Variants in NOL4L observed in about 807,000 individuals in gnomAD.
NOL4L encodes nucleolar protein 4-like.
A neutral mutation model predicts 64.5 loss-of-function variants in NOL4L; 7 were observed. The ratio of observed to expected loss-of-function variants is 0.11; its 90% CI spans 0.06 to 0.20. The LOEUF (loss-of-function observed/expected upper bound fraction) is 0.20. Among genes scored for constraint, NOL4L ranks in the 10% least tolerant of loss-of-function variants. NOL4L has a pLI of 1.00. For synonymous variants in NOL4L, 413 were observed against 401.0 expected (o/e 1.03, Z -0.36); for missense variants, 680 against 967.1 (o/e 0.70, Z 3.94).
chr20:32,511,339 C>T lies in NOL4L; in HGVS notation c.699+8G>A, dbSNP rs532575289. On this transcript the variant is annotated splice_region_variant and intron_variant, in intron 4 of 10. Transcript: ENST00000621426. ...TCCAGGTGGGGTGAGGGGAGACGGC[C>T]GCCTTACCTGCTCCTGGGAATTCAT... 2.8e-5 allele frequency: 43 copies of T among 1,542,472 alleles called. No homozygotes were observed. The East Asian group carries it at 6.1e-4, about 22-fold the overall frequency.
chr20:32,535,896 G>C (rs912370036), intron 1 of NOL4L: 1 of 985,350 alleles, frequency 1.0e-6, no homozygotes, highest in Non-Finnish European at 1.2e-6. Flanking sequence ...CAGCATCCCC[G>C]GACGGACAGG....
At chr20:32,483,419 C>T in intron 4 of NOL4L, 2 of 986,734 alleles carry the variant, frequency 2.0e-6, no homozygotes, top group Non-Finnish European at 2.4e-6. Context: ...GCGGGGCGGG[C>T]GGCGGTGACA....
At chr20:32,554,156 T>TA (rs530134332) in intron 1 of NOL4L, among the ~76,000 whole-genome samples, 6 of 151,528 alleles carry the variant, frequency 4.0e-5, no homozygotes, top group Non-Finnish European at 8.8e-5. Flanking sequence ...CCGTCTCTAC[T>TA]AAAAAATACA....
intron 1 of NOL4L, chr20:32,548,852 A>AT (rs1313479867): frequency 2.2e-6 from 1 of 450,988 alleles, no homozygotes; most frequent in Admixed American, 2.4e-5. Context: ...GGATAAGTAA[A>AT]TTATGGTACA....
chr20:32,492,678 C>T (rs1392045544), intron 4 of NOL4L, among the ~76,000 whole-genome samples: 1 of 152,238 alleles, frequency 6.6e-6, no homozygotes, highest in South Asian at 2.1e-4. Context: ...GGACACCAGG[C>T]ACCTGTGCTG....
chr20:32,464,844 T>C lies in NOL4L; in HGVS notation c.842-8449A>G. On this transcript the variant is annotated intron_variant, in intron 5 of 10. Coordinates refer to ENST00000621426, the MANE Select transcript of NOL4L (RefSeq NM_001256798.2). This position sits in a 1 kb window ranked among gnomAD's most constrained non-coding sequence, Gnocchi z 5.6. The stretch of plus-strand genomic sequence containing the variant: ...AAAATAGTACCATTTCAACAAATAA[T>C]TGATACCGTGTTATCAGAGCTGAGA... 1 of 414,104 alleles carries C rather than the reference T, an allele frequency of 2.4e-6. No homozygotes were observed. Among genetic ancestry groups the C allele is most frequent in the Non-Finnish European group, 4.4e-6 (1 of 228,530 alleles). The allele number at this position is 414,104 out of a possible 1,614,324, so 25.7% of individuals were successfully genotyped here.
At position 32,447,578 on chromosome 20, in the gene NOL4L, C is replaced by T. The variant is rs746955555; in HGVS notation, c.*18G>A. On this transcript the variant is annotated 3_prime_UTR_variant, in exon 11 of 11. Coordinates refer to ENST00000621426, the MANE Select transcript of NOL4L (RefSeq NM_001256798.2). ...CAGCCTCCTTCCCTAGGGCAGTGCG[C>T]TCCAGGTGCCGGTGGGGTCAGTTCT... The T allele has an allele frequency of 6.3e-6, 10 of 1,581,036 alleles. No individual in the cohort carries two copies. The highest frequency in any genetic ancestry group is 1.1e-5 in the South Asian group (1 of 88,618).
chr20:32,477,067 C>G (rs2015440943), intron 4 of NOL4L, among the ~76,000 whole-genome samples: 1 of 152,212 alleles, frequency 6.6e-6, no homozygotes, highest in African/African-American at 2.4e-5. Flanking sequence ...GCACGTAACC[C>G]TGGCAGGGCC....
intron 4 of NOL4L, among the ~76,000 whole-genome samples, chr20:32,486,414 C>A (rs1160967556): frequency 6.6e-6 from 1 of 152,176 alleles, no homozygotes; most frequent in Non-Finnish European, 1.5e-5. Context: ...TGCCACAGGT[C>A]CCCTCCAGCC....
intron 3 of NOL4L, among the ~76,000 whole-genome samples, chr20:32,518,174 C>T (rs565560480): frequency 6.6e-6 from 1 of 152,308 alleles, no homozygotes; most frequent in East Asian, 1.9e-4. Flanking sequence ...GGAGAAGCTC[C>T]GCTACCTGGG....
intron 10 of NOL4L, chr20:32,450,476 A>G (rs1955447784): frequency 6.6e-6 from 1 of 152,290 alleles, no homozygotes. Context: ...GAACCAGGGT[A>G]TTCACAGATG....
At chr20:32,576,083 C>A (rs192479881) in intron 1 of NOL4L, among the ~76,000 whole-genome samples, 4 of 152,166 alleles carry the variant, frequency 2.6e-5, no homozygotes, top group Non-Finnish European at 5.9e-5. Flanking sequence ...GGCCAGATCG[C>A]GCAGGGCTCT....
chr20:32,545,660 T>C (rs944604048), intron 1 of NOL4L, among the ~76,000 whole-genome samples: 1 of 152,076 alleles, frequency 6.6e-6, no homozygotes, highest in Non-Finnish European at 1.5e-5. Context: ...CATCCTTGAC[T>C]GCTCACTGGT....
intron 4 of NOL4L, among the ~76,000 whole-genome samples, chr20:32,500,941 G>C (rs1386781615): frequency 6.6e-6 from 1 of 152,110 alleles, no homozygotes; most frequent in Non-Finnish European, 1.5e-5. Flanking sequence ...TTAATAAGTG[G>C]GGGAGGAGAA....
rs187823136 is a variant in NOL4L, at chr20:32,562,498, C to T, written c.321+22072G>A. Among the ~76,000 whole-genome samples the T allele has an allele frequency of 1.5e-3, 229 of 152,278 alleles. 2 individuals are homozygous for T. The highest frequency in any genetic ancestry group is 2.1e-3 in the Non-Finnish European group (145 of 68,010). On this transcript the variant is annotated intron_variant, in intron 1 of 10. Transcript: ENST00000621426. ...GCCTCTGCACAGGCTGTCTCCTCTA[C>T]CTGGGACACCCACCCTCTGCTTAGC...
At chr20:32,481,454 C>T (rs1359833609) in intron 4 of NOL4L, among the ~76,000 whole-genome samples, 4 of 152,196 alleles carry the variant, frequency 2.6e-5, no homozygotes, top group African/African-American at 7.2e-5. Flanking sequence ...AGTTCTTGAG[C>T]AATTCCCAGG....
chr20:32,556,028 C>T (rs553830379), intron 1 of NOL4L, among the ~76,000 whole-genome samples: 27 of 152,336 alleles, frequency 1.8e-4, no homozygotes, highest in African/African-American at 6.3e-4. Flanking sequence ...CTGTGTCCTC[C>T]ATAGATGGTG....
At chr20:32,504,377 A>G (rs914254736) in intron 4 of NOL4L, among the ~76,000 whole-genome samples, 1 of 151,934 alleles carries the variant, frequency 6.6e-6, no homozygotes, top group Non-Finnish European at 1.5e-5. Context: ...TGGCTAACAC[A>G]GTGAAACCCT....
Position 32,454,222 on chromosome 20 carries a change from G to T in NOL4L, c.1120-461C>A, listed in dbSNP as rs183416950. On this transcript the variant is annotated intron_variant, in intron 6 of 10. Transcript: ENST00000621426. The stretch of plus-strand genomic sequence containing the variant: ...GGGCTGCAACCCCAAGTTGACAACC[G>T]AGCTGTCACCAAAGCAACGAGCATG... 8.0e-5 allele frequency: 14 copies of T among 175,802 alleles called. No homozygotes were observed. The East Asian group carries it at 1.9e-3, about 24-fold the overall frequency. The allele number at this position is 175,802 out of a possible 1,614,324, so 10.9% of individuals were successfully genotyped here. A position where few individuals can be genotyped will look rare whatever the true frequency, so the allele number is the denominator to read the frequency against.
Sources: gnomAD v4.1 joint callset for allele counts (sites outside exome capture counted in the v4.1 genomes callset) on GRCh38, gnomAD v4.1.1 for gene constraint, Gnocchi (gnomAD v3.1) non-coding constraint, MANE v1.5 for transcripts, NCBI Gene and HGNC (gene_info 2026-07-23, HGNC 2026-07-21) for gene names.